Variants in PRKCE observed in about 807,000 individuals in gnomAD.
The protein encoded by PRKCE is protein kinase C epsilon, also known as protein kinase C epsilon type.
Under a neutral mutation model 85.4 loss-of-function variants are expected in PRKCE, and 16 were observed. That is an observed-to-expected ratio of 0.19 (90% confidence interval 0.13 to 0.28). The LOEUF is 0.28. Ranked by LOEUF, PRKCE falls within the 10% of genes least tolerant of loss-of-function variation. PRKCE has a pLI of 1.00. For synonymous variants in PRKCE, 388 were observed against 371.5 expected (o/e 1.04, Z -0.51); for missense variants, 573 against 975.2 (o/e 0.59, Z 5.49).
Position 46,139,343 on chromosome 2 carries a change from A to G in PRKCE, c.1593-5750A>G, listed in dbSNP as rs1405848220. 2.6e-5 allele frequency among the ~76,000 whole-genome samples: 4 copies of G among 152,222 alleles called. No homozygotes were observed. The highest frequency in any genetic ancestry group is 5.9e-5 in the Non-Finnish European group (4 of 68,040). On this transcript the variant is annotated intron_variant, in intron 11 of 14. Coordinates refer to ENST00000306156, the MANE Select transcript of PRKCE (RefSeq NM_005400.3). The surrounding 1 kb of genome is among the most constrained non-coding windows in gnomAD (Gnocchi z 5.2). ...AATGGCAGGGCACAGAATGATAAACATAAATCAATACCTAGCCTATACATG... is the reference window on the plus strand; with the variant it reads ...AATGGCAGGGCACAGAATGATAAACGTAAATCAATACCTAGCCTATACATG...
intron 1 of PRKCE, among the ~76,000 whole-genome samples, chr2:45,763,713 G>A (rs767690089): frequency 3.3e-5 from 5 of 152,102 alleles, no homozygotes; most frequent in African/African-American, 7.2e-5. Context: ...CTCAGTGAGC[G>A]CTAAAGTCAG....
intron 1 of PRKCE, among the ~76,000 whole-genome samples, chr2:45,661,866 G>C (rs1381655987): frequency 6.6e-6 from 1 of 152,038 alleles, no homozygotes; most frequent in Non-Finnish European, 1.5e-5. Flanking sequence ...ATCATGATGA[G>C]TGAATCTAGA....
chr2:46,109,916 T>C (rs752088246), intron 11 of PRKCE, among the ~76,000 whole-genome samples: 7 of 152,104 alleles, frequency 4.6e-5, no homozygotes, highest in East Asian at 1.9e-4. Context: ...TGAATGGGTA[T>C]TGGATTTTGT....
At chr2:45,710,319 G>C (rs180918825) in intron 1 of PRKCE, among the ~76,000 whole-genome samples, 206 of 152,308 alleles carry the variant, frequency 1.4e-3, no homozygotes, top group Non-Finnish European at 2.2e-3. Flanking sequence ...GCTGGGATTT[G>C]AACCCAAATA....
intron 10 of PRKCE, among the ~76,000 whole-genome samples, chr2:46,035,206 GC>G (rs1707784384): frequency 6.6e-6 from 1 of 152,200 alleles, no homozygotes; most frequent in African/African-American, 2.4e-5. Flanking sequence ...CCACAGGCCT[GC>G]CCATAGCTCA....
intron 1 of PRKCE, among the ~76,000 whole-genome samples, chr2:45,750,634 T>C (rs1024198772): frequency 2.0e-5 from 3 of 152,222 alleles, no homozygotes; most frequent in African/African-American, 7.2e-5. Context: ...TTTTTGAACT[T>C]GGGCAAATTA....
chr2:46,131,059 T>A (rs943092988), intron 11 of PRKCE, among the ~76,000 whole-genome samples: 1 of 152,186 alleles, frequency 6.6e-6, no homozygotes, highest in East Asian at 1.9e-4. Context: ...AACAACCTGC[T>A]CTAGTGTGAG....
chr2:46,147,582 C>T (rs148158767), intron 12 of PRKCE, among the ~76,000 whole-genome samples: 2,012 of 152,340 alleles, frequency 0.013, 10 homozygotes, highest in Non-Finnish European at 0.022. Flanking sequence ...TCGTGCCCAC[C>T]GTGCAGAAAC....
chr2:45,689,956 C>G (rs1286760485), intron 1 of PRKCE, among the ~76,000 whole-genome samples: 2 of 152,020 alleles, frequency 1.3e-5, no homozygotes, highest in African/African-American at 4.8e-5. Flanking sequence ...TCCCACTTCC[C>G]TCTCTAGAGA....
At chr2:45,911,963 G>GT (rs1239279424) in intron 2 of PRKCE, among the ~76,000 whole-genome samples, 1 of 152,044 alleles carries the variant, frequency 6.6e-6, no homozygotes. Context: ...GTATTTTATT[G>GT]TGTTGTTGTT....
At chr2:46,091,244 C>G (rs1156879766) in intron 11 of PRKCE, among the ~76,000 whole-genome samples, 3 of 152,130 alleles carry the variant, frequency 2.0e-5, no homozygotes, top group Admixed American at 1.3e-4. Context: ...CATTTAACCA[C>G]CTGCCCTCCC....
chr2:46,125,676 A>T (rs1398701535), intron 11 of PRKCE, among the ~76,000 whole-genome samples: 1 of 152,242 alleles, frequency 6.6e-6, no homozygotes, highest in Non-Finnish European at 1.5e-5. Context: ...AAATTCATGC[A>T]TGCCAATAAA....
At chr2:46,143,871 A>G (rs1055323955) in intron 11 of PRKCE, among the ~76,000 whole-genome samples, 5 of 152,178 alleles carry the variant, frequency 3.3e-5, no homozygotes, top group African/African-American at 1.2e-4. Context: ...GGCTGGTCCT[A>G]AAGTGCTTCC....
chr2:45,802,056 C>A (rs902171184), intron 1 of PRKCE, among the ~76,000 whole-genome samples: 7 of 149,580 alleles, frequency 4.7e-5, no homozygotes, highest in African/African-American at 1.7e-4. Flanking sequence ...TCAAGAACAA[C>A]CTGGGCAACA....
chr2:45,813,465 G>A (rs1031310811), intron 1 of PRKCE, among the ~76,000 whole-genome samples: 3 of 152,202 alleles, frequency 2.0e-5, no homozygotes, highest in Admixed American at 1.3e-4. Context: ...GAGTGCAGAC[G>A]GGGGCTGTAG....
Position 46,187,632 on chromosome 2 carries a change from C to T in PRKCE, c.*2751C>T, listed in dbSNP as rs10472. 9,221 of 150,420 alleles carry T rather than the reference C, an allele frequency of 0.061. 372 individuals carry two copies. The highest frequency in any genetic ancestry group is 0.11 in the South Asian group (543 of 4,756). 9.3% of individuals were successfully genotyped at this position (150,420 alleles called of 1,614,324 possible). A position where few individuals can be genotyped will look rare whatever the true frequency, so the allele number is the denominator to read the frequency against. ...AAATATATGAAGGATAGCTGTTCTT[C>T]TGTGTTCTCTCATTATGGACTTTGT... On this transcript the variant is annotated 3_prime_UTR_variant, in exon 15 of 15. Transcript: ENST00000306156.
At chr2:45,752,867 G>GT (rs1395418039) in intron 1 of PRKCE, among the ~76,000 whole-genome samples, 1 of 152,054 alleles carries the variant, frequency 6.6e-6, no homozygotes, top group Non-Finnish European at 1.5e-5. Flanking sequence ...GCTTATATAA[G>GT]TTTTTTACGA....
intron 2 of PRKCE, among the ~76,000 whole-genome samples, chr2:45,868,970 AAAAGAAAAAAG>A (rs1376030566): frequency 1.6e-4 from 24 of 151,300 alleles, no homozygotes; most frequent in African/African-American, 5.8e-4. Context: ...AAAAAAAAAA[AAAAGAAAAAAG>A]AAAGAAAACG....
In PRKCE at chr2:45,949,795, A is replaced by G. The variant is rs139043305; in HGVS notation, c.413-26634A>G. Among the ~76,000 whole-genome samples the G allele has an allele frequency of 1.9e-4, 28 of 151,098 alleles. No homozygotes were observed. In the East Asian group the frequency reaches 5.3e-3, roughly 28 times the overall value. On this transcript the variant is annotated intron_variant, in intron 2 of 14. Transcript: ENST00000306156. ...ACCTCCTGTTTCTCATCTCTGTTCT[A>G]TCCCTTTGGTCTGTCCCGCTGATAC...
Sources: gnomAD v4.1 joint callset for allele counts (sites outside exome capture counted in the v4.1 genomes callset) on GRCh38, gnomAD v4.1.1 for gene constraint, Gnocchi (gnomAD v3.1) non-coding constraint, MANE v1.5 for transcripts, NCBI Gene and HGNC (gene_info 2026-07-23, HGNC 2026-07-21) for gene names.